LHFPL3: variants seen among roughly 807,000 people sequenced by gnomAD.
LHFPL3 encodes the protein LHFPL tetraspan subfamily member 3 protein.
LHFPL3 carries 5 observed loss-of-function variants against 19.3 expected under a neutral mutation model. The observed-to-expected ratio is 0.26, with a 90% CI of 0.14 to 0.54. The LOEUF (loss-of-function observed/expected upper bound fraction) is 0.54. LHFPL3 is among the 20% of genes least tolerant of loss of function. The pLI, the probability that LHFPL3 is intolerant of heterozygous loss-of-function variation, is 0.94. For missense variants in LHFPL3, 249 were observed against 307.4 expected (o/e 0.81, Z 1.42); for synonymous variants, 133 against 126.2 (o/e 1.05, Z -0.36).
chr7:104,394,416 T>C (rs1791141814), intron 1 of LHFPL3, among the ~76,000 whole-genome samples: 1 of 152,202 alleles, frequency 6.6e-6, no homozygotes, highest in Non-Finnish European at 1.5e-5. Flanking sequence ...TTGTATACCC[T>C]TCTAGGTTTC....
chr7:104,475,208 C>T (rs1350949180), intron 1 of LHFPL3, among the ~76,000 whole-genome samples: 5 of 152,050 alleles, frequency 3.3e-5, no homozygotes, highest in Non-Finnish European at 7.4e-5. Flanking sequence ...TGGTTTTTAT[C>T]CTCTGATCAA....
At chr7:104,386,712 G>A (rs928896131) in intron 1 of LHFPL3, among the ~76,000 whole-genome samples, 1 of 152,190 alleles carries the variant, frequency 6.6e-6, no homozygotes, top group African/African-American at 2.4e-5. Context: ...AAGAATGGGA[G>A]ACTGTTGATT....
At chr7:104,772,188 A>T (rs948472786) in intron 2 of LHFPL3, among the ~76,000 whole-genome samples, 1 of 152,110 alleles carries the variant, frequency 6.6e-6, no homozygotes, top group Admixed American at 6.5e-5. Flanking sequence ...AACTGCTTAT[A>T]TTCATGGTAT....
intron 2 of LHFPL3, among the ~76,000 whole-genome samples, chr7:104,876,985 A>T (rs1436719492): frequency 2.0e-5 from 3 of 152,212 alleles, no homozygotes; most frequent in African/African-American, 7.2e-5. Flanking sequence ...AGGGGCATGG[A>T]TGAAGCTGGA....
chr7:104,657,024 T>C (rs76536942), intron 1 of LHFPL3, among the ~76,000 whole-genome samples: 2,653 of 152,354 alleles, frequency 0.017, 44 homozygotes, highest in Middle Eastern at 0.037. Flanking sequence ...TGAAAGGTAT[T>C]TCTAAATGCC....
intron 2 of LHFPL3, among the ~76,000 whole-genome samples, chr7:104,760,258 CT>C (rs1794350503): frequency 6.6e-6 from 1 of 152,186 alleles, no homozygotes; most frequent in Non-Finnish European, 1.5e-5. Flanking sequence ...CTTCCCTTGG[CT>C]GCCAGAAACC....
At chr7:104,516,931 A>G (rs951335841) in intron 1 of LHFPL3, among the ~76,000 whole-genome samples, 2 of 152,228 alleles carry the variant, frequency 1.3e-5, no homozygotes. Context: ...TAAGTAAAAT[A>G]TGATACATAT....
rs542481580 is a variant in LHFPL3 at position 104,878,831 on chromosome 7, G to A, written c.683-27356G>A. On this transcript the variant is annotated intron_variant, in intron 2 of 2. Coordinates refer to ENST00000424859, the MANE Select transcript of LHFPL3 (RefSeq NM_199000.3). ...AATGGAAAGTGCTACTCCAGTGAAC[G>A]AACACACAAATGATAAGAAAGTGAA... is the stretch of plus-strand genomic sequence containing the variant. Among the ~76,000 whole-genome samples, 21 of 152,244 alleles carry A rather than the reference G, an allele frequency of 1.4e-4. No homozygotes were observed. In the South Asian group the frequency reaches 3.5e-3, roughly 26 times the overall value.
intron 1 of LHFPL3, among the ~76,000 whole-genome samples, chr7:104,432,523 A>G (rs1792022254): frequency 6.7e-6 from 1 of 149,204 alleles, no homozygotes; most frequent in African/African-American, 2.5e-5. Context: ...TCTGGAGATG[A>G]TCTCATCTCC....
chr7:104,499,766 AT>A (rs1793562629), intron 1 of LHFPL3, among the ~76,000 whole-genome samples: 1 of 152,246 alleles, frequency 6.6e-6, no homozygotes, highest in Non-Finnish European at 1.5e-5. Context: ...AAGCAAGTTA[AT>A]AAAATGCATG....
intron 1 of LHFPL3, among the ~76,000 whole-genome samples, chr7:104,570,119 C>T (rs17421686): frequency 0.18 from 27,243 of 152,192 alleles, 2,775 homozygotes; most frequent in Non-Finnish European, 0.22. Context: ...GAAAGCTATA[C>T]TTTGTATCAG....
chr7:104,633,453 C>T (rs1791678566), intron 1 of LHFPL3, among the ~76,000 whole-genome samples: 1 of 152,142 alleles, frequency 6.6e-6, no homozygotes, highest in Non-Finnish European at 1.5e-5. Context: ...TGGGGCCTTC[C>T]CATAGGATGA....
At chr7:104,558,889 T>C (rs980001299) in intron 1 of LHFPL3, among the ~76,000 whole-genome samples, 5 of 145,588 alleles carry the variant, frequency 3.4e-5, no homozygotes, top group African/African-American at 1.1e-4. Flanking sequence ...GTTTCAGCTT[T>C]CTACATATGG....
At chr7:104,557,831 C>A (rs1351472498) in intron 1 of LHFPL3, among the ~76,000 whole-genome samples, 1 of 149,854 alleles carries the variant, frequency 6.7e-6, no homozygotes, top group East Asian at 2.0e-4. Context: ...CTCCCCACTC[C>A]CCCCACCCCA....
At chr7:104,561,624 G>C (rs535519310) in intron 1 of LHFPL3, among the ~76,000 whole-genome samples, 5 of 152,178 alleles carry the variant, frequency 3.3e-5, no homozygotes, top group Non-Finnish European at 5.9e-5. Flanking sequence ...GATGGGTCTT[G>C]ACTTGTTATC....
intron 1 of LHFPL3, among the ~76,000 whole-genome samples, chr7:104,485,538 G>A (rs2115673221): frequency 6.6e-6 from 1 of 152,130 alleles, no homozygotes; most frequent in East Asian, 1.9e-4. Flanking sequence ...CTAAAATTAT[G>A]CTTGCTACAT....
At chr7:104,440,113 C>T (rs1017805547) in intron 1 of LHFPL3, among the ~76,000 whole-genome samples, 2 of 150,804 alleles carry the variant, frequency 1.3e-5, no homozygotes, top group African/African-American at 2.4e-5. Flanking sequence ...ACCAGCATGG[C>T]GCATGTATAC....
At chr7:104,691,694 T>C (rs1792908388) in intron 1 of LHFPL3, among the ~76,000 whole-genome samples, 1 of 152,228 alleles carries the variant, frequency 6.6e-6, no homozygotes, top group Non-Finnish European at 1.5e-5. Context: ...AGAGGTAATG[T>C]AGATGGACCT....
chr7:104,737,565 G>T (rs1793852713), intron 2 of LHFPL3, among the ~76,000 whole-genome samples: 1 of 152,130 alleles, frequency 6.6e-6, no homozygotes, highest in African/African-American at 2.4e-5. Flanking sequence ...ACTATTGAAT[G>T]ATACGTAAAT....
Sources: allele counts gnomAD v4.1 joint callset (sites outside exome capture counted in the v4.1 genomes callset), GRCh38; gene constraint gnomAD v4.1.1; transcripts MANE v1.5; gene names NCBI Gene and HGNC (gene_info 2026-07-23, HGNC 2026-07-21).